Variants in XPO7 observed in about 807,000 individuals in gnomAD.
XPO7 encodes exportin 7.
Under a neutral mutation model 144.3 loss-of-function variants are expected in XPO7, and 21 were observed. The ratio of observed to expected loss-of-function variants is 0.15; its 90% CI spans 0.10 to 0.21. The LOEUF is 0.21. Ranked by LOEUF, XPO7 falls within the 10% of genes least tolerant of loss-of-function variation. The pLI is 1.00. For missense variants in XPO7, 808 were observed against 1,325.8 expected, an observed-to-expected ratio of 0.61 and a Z score of 6.06; for synonymous variants, 580 against 499.6, an observed-to-expected ratio of 1.16 and a Z score of -2.15.
At position 21,976,394 on chromosome 8, in the gene XPO7, G is replaced by A. The variant is rs1280383897; in HGVS notation, c.636G>A (p.Gln212=). Residue 212 remains glutamine (Q), a synonymous_variant, in exon 7 of 28, where the codon CAG becomes CAA. Transcript: ENST00000252512. The stretch of plus-strand genomic sequence containing the variant: ...ATCTAAACTTGAATGATGAAAGTCA[G>A]CATGGCTTGCTCATGCAACTGCTCA... ...GKNLNLNDES[Q]HGLLMQLLKL... is the part of the protein sequence containing the mutation. 5 of 1,613,940 alleles carry A rather than the reference G, an allele frequency of 3.1e-6. No homozygotes were observed. The highest frequency in any genetic ancestry group is 4.2e-6 in the Non-Finnish European group (5 of 1,179,868).
At chr8:21,921,722 A>G (rs1249345941) in intron 1 of XPO7, 1 of 152,230 alleles carries the variant, frequency 6.6e-6, no homozygotes, top group Admixed American at 6.5e-5. Context: ...AAAGGGGAGC[A>G]TGTTGATCAG....
At chr8:21,925,637 A>G (rs1810435015) in intron 1 of XPO7, among the ~76,000 whole-genome samples, 2 of 152,174 alleles carry the variant, frequency 1.3e-5, no homozygotes, top group African/African-American at 4.8e-5. Flanking sequence ...GCCAGGCACC[A>G]TGCTAAGCCT....
chr8:21,942,903 T>C lies in XPO7; in HGVS notation c.18+23115T>C, dbSNP rs146271659. ...AAACTAGCTGGGTTTTTGTTTTGTT[T>C]TGTTTTAAATGAGTGTGTGGCAGTG... On this transcript the variant is annotated intron_variant, in intron 1 of 27. Transcript: ENST00000252512. Among the ~76,000 whole-genome samples the C allele has an allele frequency of 2.2e-3, 336 of 152,348 alleles. 1 individual carries two copies. The highest frequency in any genetic ancestry group is 7.4e-3 in the African/African-American group (309 of 41,576).
chr8:21,921,140 GATGATAATA>G (rs954533129), intron 1 of XPO7, among the ~76,000 whole-genome samples: 5 of 152,184 alleles, frequency 3.3e-5, no homozygotes, highest in Non-Finnish European at 5.9e-5. Flanking sequence ...GATACAAGGA[GATGATAATA>G]ATGATAATAA....
At chr8:21,984,350 G>A (rs762254225) in intron 11 of XPO7, among the ~76,000 whole-genome samples, 1 of 152,144 alleles carries the variant, frequency 6.6e-6, no homozygotes, top group Non-Finnish European at 1.5e-5. Flanking sequence ...CAAGAGGTCA[G>A]ACAGTTGAGA....
In XPO7 at chr8:22,003,258, T is replaced by C; in HGVS notation, c.2983T>C (p.Cys995Arg). The change falls in exon 26 of 28, where the codon TGT becomes CGT. Residue 995 changes from cysteine (C) to arginine (R), a missense_variant. Coordinates refer to ENST00000252512, the MANE Select transcript of XPO7 (RefSeq NM_015024.5). Reference sequence around the variant, plus strand: ...GCTGAACATCATCATCTTTGAAGACTGTAGGAACCAGTGGTCTATGTCCCG... The same window carrying C: ...GCTGAACATCATCATCTTTGAAGACCGTAGGAACCAGTGGTCTATGTCCCG... ...TVLNIIIFED[C>R]RNQWSMSRPL... 5 of 1,613,364 alleles carry C rather than the reference T, an allele frequency of 3.1e-6. No homozygotes were observed. Among genetic ancestry groups the C allele is most frequent in the South Asian group, 1.1e-5 (1 of 90,828 alleles).
In XPO7 at chr8:21,941,444, A is replaced by G. The variant is rs139030431; in HGVS notation, c.18+21656A>G. Among the ~76,000 whole-genome samples, 80 of 152,282 alleles carry G rather than the reference A, an allele frequency of 5.3e-4. 1 individual carries two copies. In the South Asian group the frequency reaches 0.014, roughly 27 times the overall value. On this transcript the variant is annotated intron_variant, in intron 1 of 27. Coordinates refer to ENST00000252512, the MANE Select transcript of XPO7 (RefSeq NM_015024.5). ...TGGGATTACAGGCAGGAGCCACTGC[A>G]CTCAGACTCATATACTTTAAATCAT... is the stretch of plus-strand genomic sequence containing the variant.
rs1191913565 is a variant in XPO7, at chr8:22,005,679, C to T, written c.*591C>T. 6.6e-6 allele frequency: 1 copy of T among 151,946 alleles called. No individual in the cohort carries two copies. The highest frequency in any genetic ancestry group is 1.5e-5 in the Non-Finnish European group (1 of 67,986). The allele number at this position is 151,946 out of a possible 1,614,324, so 9.4% of individuals were successfully genotyped here. A position where few individuals can be genotyped will look rare whatever the true frequency, so the allele number is the denominator to read the frequency against. ...CCAAATGTATATTTTTTCGTATTGC[C>T]CTGTCCTCACCCAGAAATGATCAAT... is the stretch of plus-strand genomic sequence containing the variant. On this transcript the variant is annotated 3_prime_UTR_variant, in exon 28 of 28. Transcript: ENST00000252512.
At chr8:21,992,475 AT>A (rs1812803096) in intron 19 of XPO7, among the ~76,000 whole-genome samples, 1 of 152,136 alleles carries the variant, frequency 6.6e-6, no homozygotes, top group African/African-American at 2.4e-5. Flanking sequence ...GTGATTTCTA[AT>A]TTCCATTGAG....
intron 1 of XPO7, among the ~76,000 whole-genome samples, chr8:21,957,783 C>T (rs1403849864): frequency 6.6e-6 from 1 of 152,144 alleles, no homozygotes. Context: ...ATGCACTGTG[C>T]TCACTGGGAT....
At chr8:21,999,461 C>G (rs1813065634) in intron 23 of XPO7, 75 bp from the exon 24 acceptor site, 1 of 1,593,302 alleles carries the variant, frequency 6.3e-7, no homozygotes, top group Non-Finnish European at 8.6e-7. Context: ...AGGAGCTAAG[C>G]TATTTAAGAT....
At chr8:21,945,569 C>T (rs989237154) in intron 1 of XPO7, among the ~76,000 whole-genome samples, 3 of 152,120 alleles carry the variant, frequency 2.0e-5, no homozygotes, top group Non-Finnish European at 2.9e-5. Context: ...TGGCATGGTA[C>T]GTTATCTGAA....
intron 19 of XPO7, among the ~76,000 whole-genome samples, chr8:21,993,150 T>G (rs1376746831): frequency 7.7e-6 from 1 of 129,928 alleles, no homozygotes; most frequent in Non-Finnish European, 1.8e-5. Context: ...TTACCAACTT[T>G]AGGCTAGAGT....
At chr8:21,999,748 T>C in intron 24 of XPO7, 74 bp downstream of exon 24, 1 of 1,581,544 alleles carries the variant, frequency 6.3e-7, no homozygotes, top group Non-Finnish European at 8.6e-7. Flanking sequence ...AGAGAGAATC[T>C]TGCCCCAGTG....
intron 15 of XPO7, 109 bp downstream of exon 15, chr8:21,987,966 T>C: frequency 8.4e-7 from 1 of 1,197,070 alleles, no homozygotes; most frequent in Non-Finnish European, 1.2e-6. Context: ...GCATTGATCG[T>C]TTGCGTCAGA....
At chr8:21,934,766 T>C (rs1315562730) in intron 1 of XPO7, among the ~76,000 whole-genome samples, 3 of 152,204 alleles carry the variant, frequency 2.0e-5, no homozygotes, top group Non-Finnish European at 4.4e-5. Flanking sequence ...GATGGATTGC[T>C]ATGCAGGCAT....
chr8:21,955,459 TAAATG>T (rs917886143), intron 1 of XPO7, among the ~76,000 whole-genome samples: 19 of 152,232 alleles, frequency 1.2e-4, no homozygotes, highest in African/African-American at 4.6e-4. Flanking sequence ...GGTGAAATCT[TAAATG>T]AGAATTCTCA....
intron 26 of XPO7, 30 bp from the exon 27 acceptor site, chr8:22,003,873 T>C: frequency 6.2e-7 from 1 of 1,613,526 alleles, no homozygotes; most frequent in Non-Finnish European, 8.5e-7. Context: ...CCTGCTTCTC[T>C]AACCTTCTGT....
chr8:21,984,527 G>T, intron 11 of XPO7, 119 bp from the exon 12 acceptor site: 1 of 913,170 alleles, frequency 1.1e-6, no homozygotes, highest in Non-Finnish European at 1.6e-6. Context: ...AGTAATGTCG[G>T]GATGTAGACC....
Sources: gnomAD v4.1 joint callset for allele counts (sites outside exome capture counted in the v4.1 genomes callset) on GRCh38, gnomAD v4.1.1 for gene constraint, MANE v1.5 for transcripts, NCBI Gene and HGNC (gene_info 2026-07-23, HGNC 2026-07-21) for gene names.